The following GCA variants were observed in gnomAD, a reference collection of about 807,000 sequenced individuals.
GCA encodes the protein grancalcin.
GCA carries 30 observed loss-of-function variants against 32.6 expected under a neutral mutation model. The observed-to-expected ratio is 0.92, with a 90% CI of 0.69 to 1.25. The LOEUF (loss-of-function observed/expected upper bound fraction) is 1.25. Ranked by LOEUF, GCA falls within the 50% of genes most tolerant of loss-of-function variation. The pLI is 0.00. For synonymous variants in GCA, 102 were observed against 84.6 expected (o/e 1.21, Z -1.13); for missense variants, 291 against 266.8 (o/e 1.09, Z -0.63).
At chr2:162,332,346 A>T (rs1373940788) in intron 1 of GCA, among the ~76,000 whole-genome samples, 1 of 146,236 alleles carries the variant, frequency 6.8e-6, no homozygotes, top group Non-Finnish European at 1.5e-5. Context: ...TATAATATAT[A>T]ATATTATTTA....
intron 1 of GCA, among the ~76,000 whole-genome samples, chr2:162,320,723 C>T (rs1404468910): frequency 1.3e-5 from 2 of 152,164 alleles, no homozygotes; most frequent in Non-Finnish European, 2.9e-5. Flanking sequence ...GTATCTATTA[C>T]ATGACCAGCA....
chr2:162,336,981 G>A (rs990134535), intron 1 of GCA, among the ~76,000 whole-genome samples: 4 of 152,050 alleles, frequency 2.6e-5, no homozygotes, highest in Admixed American at 1.3e-4. Context: ...GGGTTGAAAC[G>A]CTAACTGAGA....
upstream of GCA, among the ~76,000 whole-genome samples, chr2:162,340,933 C>T (rs1210665920): frequency 6.6e-6 from 1 of 152,120 alleles, no homozygotes; most frequent in African/African-American, 2.4e-5. Flanking sequence ...GAGCTACAAC[C>T]TACTCTGTCA....
chr2:162,356,138 C>A (rs1685255944), intron 3 of GCA, among the ~76,000 whole-genome samples: 1 of 151,934 alleles, frequency 6.6e-6, no homozygotes. Context: ...CTTCCTTTTC[C>A]CCAGGCTTGG....
chr2:162,362,906 C>T lies in GCA; in HGVS notation c.*2663C>T, dbSNP rs573292760. 6.6e-6 allele frequency among the ~76,000 whole-genome samples: 1 copy of T among 151,038 alleles called. No individual in the cohort carries two copies. Among genetic ancestry groups the T allele is most frequent in the South Asian group, 2.1e-4 (1 of 4,814 alleles). On this transcript the variant is annotated 3_prime_UTR_variant, in exon 8 of 8. Coordinates refer to ENST00000437150, the MANE Select transcript of GCA (RefSeq NM_012198.5). The stretch of plus-strand genomic sequence containing the variant: ...TACACATGCATCCAGAAAAAAGTAA[C>T]AAAAAATGTAGTCAAGTTATGTTTA...
chr2:162,330,437 G>T (rs1035038083), intron 1 of GCA, among the ~76,000 whole-genome samples: 1 of 152,196 alleles, frequency 6.6e-6, no homozygotes. Flanking sequence ...TAAAATAAAA[G>T]AATGACCCAA....
intron 1 of GCA, among the ~76,000 whole-genome samples, chr2:162,325,926 A>G (rs1312370839): frequency 6.6e-6 from 1 of 152,202 alleles, no homozygotes; most frequent in African/African-American, 2.4e-5. Context: ...TACTGGGCCC[A>G]AATTCACTTG....
chr2:162,343,944 C>T, upstream of GCA: 1 of 395,932 alleles, frequency 2.5e-6, no homozygotes, highest in Non-Finnish European at 4.6e-6. Flanking sequence ...CAGTAAGAGT[C>T]GAGCAGGGAC....
chr2:162,358,929 A>G (rs937699395), intron 5 of GCA, 115 bp from the exon 6 acceptor site: 6 of 548,096 alleles, frequency 1.1e-5, no homozygotes, highest in Admixed American at 6.8e-5. Flanking sequence ...TTTTGTTTCT[A>G]ATTATATTTT....
chr2:162,357,820 C>T lies in GCA; in HGVS notation c.454+915C>T, dbSNP rs560328049. ...GGCAGAAAAGAAAACCTCCAGAGTT[C>T]CCGTTAGGCAGTGGAATGTAAAAAG... is the stretch of plus-strand genomic sequence containing the variant. On this transcript the variant is annotated intron_variant, in intron 5 of 7. Transcript: ENST00000437150. Among the ~76,000 whole-genome samples, 4 of 151,592 alleles carry T rather than the reference C, an allele frequency of 2.6e-5. No individual in the cohort carries two copies. The East Asian group carries it at 7.7e-4, about 29-fold the overall frequency.
At chr2:162,329,879 G>C (rs1233421720) in intron 1 of GCA, among the ~76,000 whole-genome samples, 2 of 152,044 alleles carry the variant, frequency 1.3e-5, no homozygotes, top group African/African-American at 4.8e-5. Flanking sequence ...GTTCCCCCAT[G>C]TGTTCTCATC....
At chr2:162,338,553 G>C (rs1432085085) in intron 1 of GCA, among the ~76,000 whole-genome samples, 1 of 152,016 alleles carries the variant, frequency 6.6e-6, no homozygotes, top group Non-Finnish European at 1.5e-5. Flanking sequence ...ACTAACCAGT[G>C]GGATAAACAC....
chr2:162,319,200 T>C (rs975526373), exon 1 of GCA: 1 of 457,074 alleles, frequency 2.2e-6, no homozygotes, highest in South Asian at 1.5e-5. Flanking sequence ...TCCCAAACAC[T>C]AACTTGTTTC....
chr2:162,338,155 G>A (rs1017339383), intron 1 of GCA, among the ~76,000 whole-genome samples: 1 of 152,120 alleles, frequency 6.6e-6, no homozygotes, highest in South Asian at 2.1e-4. Context: ...AAAATATCAA[G>A]TGTTATATAA....
At chr2:162,371,504 G>A (rs1685945232) in exon 5 of GCA, 1 of 1,226,134 alleles carries the variant, frequency 8.2e-7, no homozygotes, top group Non-Finnish European at 1.0e-6. Flanking sequence ...CGAAGTACTG[G>A]TTTAGTAAAA....
intron 1 of GCA, among the ~76,000 whole-genome samples, chr2:162,334,204 T>G (rs778949374): frequency 4.6e-5 from 7 of 152,134 alleles, no homozygotes; most frequent in Non-Finnish European, 8.8e-5. Flanking sequence ...AGATCTTAAC[T>G]GCATTGGAAC....
In GCA at chr2:162,361,809, G is replaced by A. The variant is rs1685582709; in HGVS notation, c.*1566G>A. Reference sequence around the variant, plus strand: ...AAGAAACAGAATTCTAATTAGAAGTGTTGTAGGAAAAAGCAAATGTGAAAA... The same window carrying A: ...AAGAAACAGAATTCTAATTAGAAGTATTGTAGGAAAAAGCAAATGTGAAAA... On this transcript the variant is annotated 3_prime_UTR_variant, in exon 8 of 8. Coordinates refer to ENST00000437150, the MANE Select transcript of GCA (RefSeq NM_012198.5). 5.1e-6 allele frequency: 5 copies of A among 984,390 alleles called. No individual in the cohort carries two copies. The South Asian group carries it at 2.3e-4, about 46-fold the overall frequency. The allele number at this position is 984,390 out of a possible 1,614,324, so 61.0% of individuals were successfully genotyped here.
downstream of GCA, chr2:162,371,801 T>C: frequency 6.3e-7 from 1 of 1,585,278 alleles, no homozygotes; most frequent in African/African-American, 1.4e-5. Flanking sequence ...GCACTTACAT[T>C]GTATGTGGAG....
intron 1 of GCA, among the ~76,000 whole-genome samples, chr2:162,323,608 G>C (rs1683765817): frequency 1.3e-5 from 2 of 151,950 alleles, no homozygotes; most frequent in South Asian, 4.1e-4. Flanking sequence ...AAGGAACCCA[G>C]TTTCAGCTTT....
Sources: allele counts gnomAD v4.1 joint callset (sites outside exome capture counted in the v4.1 genomes callset), GRCh38; gene constraint gnomAD v4.1.1; transcripts MANE v1.5; gene names NCBI Gene and HGNC (gene_info 2026-07-23, HGNC 2026-07-21).